Variants in WASF1 observed in about 807,000 individuals in gnomAD.
The protein encoded by WASF1 is actin-binding protein WASF1.
In WASF1, 7 loss-of-function variants were observed where a neutral mutation model predicts 50.5. The ratio of observed to expected loss-of-function variants is 0.14; its 90% CI spans 0.08 to 0.26. WASF1 has a LOEUF of 0.26. Ranked by LOEUF, WASF1 falls within the 10% of genes least tolerant of loss-of-function variation. The pLI, the probability that WASF1 is intolerant of heterozygous loss-of-function variation, is 1.00. For missense variants in WASF1, 470 were observed against 694.7 expected, an observed-to-expected ratio of 0.68 and a Z score of 3.64; for synonymous variants, 205 against 244.0, an observed-to-expected ratio of 0.84 and a Z score of 1.49.
chr6:110,177,094 CTGAATA>C (rs963126069), intron 2 of WASF1: 9 of 151,936 alleles, frequency 5.9e-5, no homozygotes, highest in African/African-American at 2.2e-4. Context: ...AAAACTGTCT[CTGAATA>C]TATGAATATT....
chr6:110,133,562 ATTTT>A (rs1213969711), intron 3 of WASF1, among the ~76,000 whole-genome samples: 1 of 151,670 alleles, frequency 6.6e-6, no homozygotes, highest in Non-Finnish European at 1.5e-5. Context: ...TTGTTTTTTG[ATTTT>A]TTTTATTATG....
chr6:110,140,815 G>C (rs186915795), intron 3 of WASF1, among the ~76,000 whole-genome samples: 2 of 152,206 alleles, frequency 1.3e-5, no homozygotes, highest in East Asian at 1.9e-4. Context: ...GATGAAATGA[G>C]GTGAATGACA....
At chr6:110,105,381 A>T (rs935873604) in intron 8 of WASF1, 26 bp downstream of exon 8, 19 of 1,231,550 alleles carry the variant, frequency 1.5e-5, no homozygotes, top group Middle Eastern at 2.0e-4. Flanking sequence ...TTTATCATTT[A>T]AAAAAAAAAA....
intron 4 of WASF1, among the ~76,000 whole-genome samples, chr6:110,118,927 C>G (rs767662146): frequency 3.9e-5 from 6 of 152,140 alleles, no homozygotes; most frequent in Non-Finnish European, 7.3e-5. Flanking sequence ...ACTGAACAAC[C>G]TGCTCCTGAA....
At chr6:110,112,712 C>A (rs1290191346) in intron 5 of WASF1, among the ~76,000 whole-genome samples, 2 of 151,838 alleles carry the variant, frequency 1.3e-5, no homozygotes, top group Non-Finnish European at 2.9e-5. Flanking sequence ...CCAGCCGGAC[C>A]AACATGGTGA....
chr6:110,159,210 T>C (rs1776160358), intron 3 of WASF1, among the ~76,000 whole-genome samples: 1 of 151,818 alleles, frequency 6.6e-6, no homozygotes, highest in African/African-American at 2.4e-5. Context: ...ATTCGGTAGA[T>C]GCAAGCACAG....
intron 3 of WASF1, among the ~76,000 whole-genome samples, chr6:110,133,417 G>A (rs987002384): frequency 4.6e-5 from 7 of 152,070 alleles, no homozygotes; most frequent in Admixed American, 3.3e-4. Flanking sequence ...TAGTGGGACC[G>A]CTGGATCAAA....
At chr6:110,127,691 A>G in intron 3 of WASF1, 62 bp from the exon 4 acceptor site, 1 of 1,359,098 alleles carries the variant, frequency 7.4e-7, no homozygotes, top group Non-Finnish European at 9.6e-7. Flanking sequence ...ATGAGACTTT[A>G]TTTTTCATTG....
At chr6:110,112,063 T>TA (rs1379658869) in intron 5 of WASF1, among the ~76,000 whole-genome samples, 3 of 150,528 alleles carry the variant, frequency 2.0e-5, no homozygotes, top group Admixed American at 2.0e-4. Flanking sequence ...TGCCTCTCCT[T>TA]ATTTACACAT....
chr6:110,140,172 T>G (rs189270403), intron 3 of WASF1, among the ~76,000 whole-genome samples: 135 of 152,200 alleles, frequency 8.9e-4, no homozygotes, highest in African/African-American at 3.1e-3. Flanking sequence ...AGCCAAAGGT[T>G]TATTCAATCA....
intron 2 of WASF1, among the ~76,000 whole-genome samples, chr6:110,175,556 G>A (rs140057970): frequency 6.6e-6 from 1 of 152,140 alleles, no homozygotes; most frequent in African/African-American, 2.4e-5. Flanking sequence ...ACCAAGCTTC[G>A]AAGTATCTTA....
Position 110,144,645 on chromosome 6 carries a change from G to A in WASF1, c.-29+15990C>T, listed in dbSNP as rs535504829. ...CATCTTGAATTAATTTTTGTATAAGGTGTAAGGAAGGGATCCAGTTTCAGC... is the reference window on the plus strand; with the variant it reads ...CATCTTGAATTAATTTTTGTATAAGATGTAAGGAAGGGATCCAGTTTCAGC... On this transcript the variant is annotated intron_variant, in intron 3 of 10. Transcript: ENST00000392589. 2.0e-5 allele frequency among the ~76,000 whole-genome samples: 3 copies of A among 152,306 alleles called. No individual in the cohort carries two copies. The East Asian group carries it at 5.8e-4, about 29-fold the overall frequency.
intron 4 of WASF1, among the ~76,000 whole-genome samples, chr6:110,120,326 C>A (rs542051569): frequency 2.9e-4 from 44 of 152,214 alleles, no homozygotes; most frequent in African/African-American, 7.7e-4. Flanking sequence ...TAAGCTGATA[C>A]GCAACTTCAG....
At chr6:110,149,822 T>C (rs929457472) in intron 3 of WASF1, among the ~76,000 whole-genome samples, 5 of 152,204 alleles carry the variant, frequency 3.3e-5, no homozygotes, top group African/African-American at 1.2e-4. Context: ...CAGTGTACAC[T>C]GTACCCAGTA....
At chr6:110,150,822 C>T (rs1175458766) in intron 3 of WASF1, among the ~76,000 whole-genome samples, 3 of 151,876 alleles carry the variant, frequency 2.0e-5, no homozygotes, top group South Asian at 2.1e-4. Flanking sequence ...GATCACCTTA[C>T]ATCAGGAGTT....
chr6:110,177,633 G>C (rs1439322102), intron 2 of WASF1, among the ~76,000 whole-genome samples: 1 of 152,064 alleles, frequency 6.6e-6, no homozygotes, highest in Non-Finnish European at 1.5e-5. Context: ...GCACAAAGGT[G>C]TCCATTTTGT....
rs544773516 is a variant in WASF1, at chr6:110,138,314, C to T, written c.-28-10685G>A. Among the ~76,000 whole-genome samples, 5 of 152,352 alleles carry T rather than the reference C, an allele frequency of 3.3e-5. No individual in the cohort carries two copies. In the South Asian group the frequency reaches 1.0e-3, roughly 32 times the overall value. ...AACTGCAGAGCCCCAAAGAGAGTGT[C>T]ACAGCAATGGCTTAGGAAGCTCCTA... On this transcript the variant is annotated intron_variant, in intron 3 of 10. Transcript: ENST00000392589.
At chr6:110,160,566 G>A (rs968072087) in intron 3 of WASF1, 69 bp downstream of exon 3, 22 of 151,696 alleles carry the variant, frequency 1.5e-4, no homozygotes, top group African/African-American at 4.8e-4. Context: ...AAGCAGAAAT[G>A]AGAAGTAGCT....
chr6:110,179,392 A>C lies in WASF1; in HGVS notation c.-272+47T>G, dbSNP rs77798278. ...GCCAGTAAGGAAGAGTTCCTCTCCC[A>C]ACACCCCCTCCCCGAAAAAAGCAAT... On this transcript the variant is annotated intron_variant, in intron 1 of 10. Coordinates refer to ENST00000392589, the MANE Select transcript of WASF1 (RefSeq NM_003931.3). 11,070 of 152,566 alleles carry C rather than the reference A, an allele frequency of 0.073. 545 individuals are homozygous for C. Among genetic ancestry groups the C allele is most frequent in the African/African-American group, 0.14 (5,957 of 41,460 alleles). The allele number at this position is 152,566 out of a possible 1,614,324, so 9.5% of individuals were successfully genotyped here. A position where few individuals can be genotyped will look rare whatever the true frequency, so the allele number is the denominator to read the frequency against.
Sources: allele counts gnomAD v4.1 joint callset (sites outside exome capture counted in the v4.1 genomes callset), GRCh38; gene constraint gnomAD v4.1.1; transcripts MANE v1.5; gene names NCBI Gene and HGNC (gene_info 2026-07-23, HGNC 2026-07-21).